The following KHDRBS2 variants were observed in gnomAD, a reference collection of about 807,000 sequenced individuals.
KHDRBS2 encodes the protein KH domain-containing, RNA-binding, signal transduction-associated protein 2.
KHDRBS2 carries 26 observed loss-of-function variants against 44.3 expected under a neutral mutation model. The observed-to-expected ratio is 0.59, with a 90% confidence interval of 0.43 to 0.81. KHDRBS2 has a LOEUF of 0.81. Ranked by LOEUF, KHDRBS2 falls within the 40% of genes least tolerant of loss-of-function variation. The pLI, the probability that KHDRBS2 is intolerant of heterozygous loss-of-function variation, is 0.00. For missense variants in KHDRBS2, 476 were observed against 433.1 expected (o/e 1.10, Z -0.88); for synonymous variants, 194 against 151.1 (o/e 1.28, Z -2.08).
At chr6:61,672,766 G>A in the KHDRBS2 span, among the ~76,000 whole-genome samples, 2 of 150,104 alleles carry the variant, frequency 1.3e-5, no homozygotes, top group Admixed American at 1.3e-4. Context: ...AGATGAGTAG[G>A]TTGCGAAAAT....
chr6:61,578,276 T>C, the KHDRBS2 span, among the ~76,000 whole-genome samples: 1 of 152,140 alleles, frequency 6.6e-6, no homozygotes, highest in Non-Finnish European at 1.5e-5. Flanking sequence ...GTCAGGTGTT[T>C]GTGGTATTAG....
chr6:61,713,849 GA>G (rs1405340118), intron 7 of KHDRBS2, among the ~76,000 whole-genome samples: 1 of 151,508 alleles, frequency 6.6e-6, no homozygotes, highest in African/African-American at 2.4e-5. Flanking sequence ...ATACACAGAA[GA>G]ATGAAACTAG....
At chr6:62,276,652 T>A (rs1215117711) in intron 1 of KHDRBS2, among the ~76,000 whole-genome samples, 1 of 152,234 alleles carries the variant, frequency 6.6e-6, no homozygotes, top group African/African-American at 2.4e-5. Flanking sequence ...CATAAATTTA[T>A]TTGACTTTTA....
chr6:61,945,812 C>T (rs919157105), intron 4 of KHDRBS2, among the ~76,000 whole-genome samples: 1 of 151,850 alleles, frequency 6.6e-6, no homozygotes, highest in Non-Finnish European at 1.5e-5. Flanking sequence ...AACATCAATA[C>T]ATAAAGTCCA....
At chr6:61,673,199 G>A in the KHDRBS2 span, among the ~76,000 whole-genome samples, 1 of 151,878 alleles carries the variant, frequency 6.6e-6, no homozygotes, top group Non-Finnish European at 1.5e-5. Flanking sequence ...CTGTTCTATT[G>A]ATCTATATCT....
intron 3 of KHDRBS2, among the ~76,000 whole-genome samples, chr6:62,022,022 C>T (rs114513784): frequency 7.3e-4 from 109 of 148,414 alleles, no homozygotes; most frequent in African/African-American, 2.5e-3. Flanking sequence ...TATACACACA[C>T]ACAAACACTA....
the KHDRBS2 span, among the ~76,000 whole-genome samples, chr6:61,642,511 G>A: frequency 2.0e-4 from 21 of 102,890 alleles, no homozygotes; most frequent in African/African-American, 5.1e-4. Context: ...AAAAAAAAAA[G>A]GTTAGCCGGG....
intron 2 of KHDRBS2, among the ~76,000 whole-genome samples, chr6:62,100,522 TG>T (rs1262349077): frequency 6.6e-6 from 1 of 152,172 alleles, no homozygotes; most frequent in African/African-American, 2.4e-5. Flanking sequence ...AGGCAAGCGA[TG>T]TGGCAAACAT....
At chr6:61,732,810 A>C in intron 6 of KHDRBS2, 46 bp from the exon 7 acceptor site, 1 of 999,074 alleles carries the variant, frequency 1.0e-6, no homozygotes, top group Non-Finnish European at 1.6e-6. Context: ...AATTTGATTA[A>C]CTTTGATCTG....
At chr6:61,568,563 C>T in the KHDRBS2 span, among the ~76,000 whole-genome samples, 3 of 152,142 alleles carry the variant, frequency 2.0e-5, no homozygotes, top group Admixed American at 6.5e-5. Flanking sequence ...GCAAATTCTA[C>T]AAGGCAGGTG....
the KHDRBS2 span, among the ~76,000 whole-genome samples, chr6:61,587,396 T>TG: frequency 6.6e-6 from 1 of 152,106 alleles, no homozygotes; most frequent in Non-Finnish European, 1.5e-5. Context: ...AACAGGTTTC[T>TG]GGGGGCAGAA....
At chr6:62,230,498 G>A (rs1482786276) in intron 1 of KHDRBS2, among the ~76,000 whole-genome samples, 1 of 152,132 alleles carries the variant, frequency 6.6e-6, no homozygotes, top group African/African-American at 2.4e-5. Flanking sequence ...ACAGACTATA[G>A]CAATATAAAT....
chr6:61,696,740 T>C (rs1288732334), intron 8 of KHDRBS2, among the ~76,000 whole-genome samples: 1 of 152,118 alleles, frequency 6.6e-6, no homozygotes, highest in Non-Finnish European at 1.5e-5. Context: ...TGACTATCAA[T>C]TTTTTTGAGC....
chr6:61,624,167 T>C, the KHDRBS2 span, among the ~76,000 whole-genome samples: 1 of 152,174 alleles, frequency 6.6e-6, no homozygotes, highest in Non-Finnish European at 1.5e-5. Flanking sequence ...GCAGAAGTCC[T>C]GAATAACCAA....
the KHDRBS2 span, among the ~76,000 whole-genome samples, chr6:61,645,524 T>TAAA: frequency 0.018 from 2,632 of 147,564 alleles, 23 homozygotes; most frequent in Middle Eastern, 0.025. Context: ...TTGGCAGCCA[T>TAAA]AAAAAAAAAA....
At chr6:61,626,552 T>A in the KHDRBS2 span, among the ~76,000 whole-genome samples, 1 of 152,250 alleles carries the variant, frequency 6.6e-6, no homozygotes, top group East Asian at 1.9e-4. Flanking sequence ...TTTGGACTTA[T>A]GTATTTTTTG....
intron 6 of KHDRBS2, among the ~76,000 whole-genome samples, chr6:61,835,755 TTGAG>T (rs1562271522): frequency 1.4e-5 from 2 of 141,484 alleles, no homozygotes; most frequent in African/African-American, 5.3e-5. Flanking sequence ...GAGAGAAAGA[TTGAG>T]AGAGAGAGAG....
At chr6:62,025,249 C>T (rs1451446002) in intron 3 of KHDRBS2, among the ~76,000 whole-genome samples, 4 of 151,684 alleles carry the variant, frequency 2.6e-5, no homozygotes, top group African/African-American at 9.6e-5. Context: ...TGGCGATTTA[C>T]ATTGTATTGT....
the KHDRBS2 span, among the ~76,000 whole-genome samples, chr6:61,660,736 G>A: frequency 6.6e-6 from 1 of 151,746 alleles, no homozygotes; most frequent in Admixed American, 6.6e-5. Flanking sequence ...AGATTTATTG[G>A]AAGTCCCTAT....
Sources: allele counts gnomAD v4.1 joint callset (sites outside exome capture counted in the v4.1 genomes callset), GRCh38; gene constraint gnomAD v4.1.1; transcripts MANE v1.5; gene names NCBI Gene and HGNC (gene_info 2026-07-23, HGNC 2026-07-21).